PDE4A: variants seen among roughly 807,000 people sequenced by gnomAD.
The protein encoded by PDE4A is phosphodiesterase 4A.
In PDE4A, 21 loss-of-function variants were observed where a neutral mutation model predicts 73.9. That is an observed-to-expected ratio of 0.28 (90% CI 0.20 to 0.41). PDE4A has a LOEUF of 0.41. Among genes scored for constraint, PDE4A ranks in the 10% least tolerant of loss-of-function variants. The pLI is 1.00. For missense variants in PDE4A, 958 were observed against 1,211.4 expected, an observed-to-expected ratio of 0.79 and a Z score of 3.10; for synonymous variants, 463 against 505.4, an observed-to-expected ratio of 0.92 and a Z score of 1.13.
chr19:10,464,032 G>C, intron 14 of PDE4A, 57 bp downstream of exon 14: 1 of 1,604,512 alleles, frequency 6.2e-7, no homozygotes, highest in Non-Finnish European at 8.5e-7. Context: ...AGCCCATCTT[G>C]GCCTGAAGTT....
At chr19:10,451,003 G>A (rs1305280647) in intron 6 of PDE4A, 62 bp downstream of exon 6, 2 of 1,483,194 alleles carry the variant, frequency 1.3e-6, no homozygotes, top group Admixed American at 2.0e-5. Flanking sequence ...AGTGGGTAGA[G>A]CCAACCGCTG....
chr19:10,425,308 C>T (rs1459161754), intron 1 of PDE4A, among the ~76,000 whole-genome samples: 1 of 152,190 alleles, frequency 6.6e-6, no homozygotes, highest in East Asian at 1.9e-4. Context: ...CCCGCTGACT[C>T]GCTGTGTGAC....
intron 7 of PDE4A, 33 bp downstream of exon 7, chr19:10,454,955 G>C (rs369711535): frequency 1.2e-6 from 2 of 1,608,628 alleles, no homozygotes; most frequent in Non-Finnish European, 8.5e-7. Context: ...GATTGGAGGG[G>C]GGACATTTGG....
chr19:10,432,181 G>GC (rs1207096492), intron 1 of PDE4A, among the ~76,000 whole-genome samples: 4 of 138,116 alleles, frequency 2.9e-5, no homozygotes, highest in African/African-American at 1.2e-4. Context: ...GGAGACGGGG[G>GC]GGGGGGGGGG....
At chr19:10,438,999 T>A (rs2042901635) in intron 1 of PDE4A, among the ~76,000 whole-genome samples, 1 of 152,226 alleles carries the variant, frequency 6.6e-6, no homozygotes, top group African/African-American at 2.4e-5. Flanking sequence ...TCCATTCATC[T>A]GTTGATGGAC....
At chr19:10,437,211 C>T (rs750212933) in intron 1 of PDE4A, among the ~76,000 whole-genome samples, 22 of 152,010 alleles carry the variant, frequency 1.4e-4, no homozygotes, top group Non-Finnish European at 2.9e-4. Flanking sequence ...GCAATCTCCA[C>T]CTCCCAGGAT....
rs531163095 is a variant in PDE4A, at chr19:10,461,767, A to T, written c.1620+87A>T. ...AGGAGTGGGTCTGAGTCCCAGAGGA[A>T]CCCTCAACCTGGACAGAGCGGGCGG... On this transcript the variant is annotated intron_variant, in intron 12 of 14. Coordinates refer to ENST00000380702, the MANE Select transcript of PDE4A (RefSeq NM_001111307.2). 513 of 1,585,564 alleles carry T rather than the reference A, an allele frequency of 3.2e-4. 7 individuals carry two copies. The South Asian group carries it at 5.6e-3, about 17-fold the overall frequency.
rs968736126 is a variant in PDE4A at position 10,461,231 on chromosome 19, G to A, written c.1465+128G>A. 2.2e-4 allele frequency: 276 copies of A among 1,264,472 alleles called. 4 individuals are homozygous for A. In the South Asian group the frequency reaches 3.6e-3, roughly 16 times the overall value. The allele number at this position is 1,264,472 out of a possible 1,614,324, so 78.3% of individuals were successfully genotyped here. The stretch of plus-strand genomic sequence containing the variant: ...GGGCGGGGCTGGCTGGCCTGGAAAG[G>A]GGATGGCCGGGCAGGAGGCGGGGCT... On this transcript the variant is annotated intron_variant, in intron 11 of 14. Transcript: ENST00000380702.
chr19:10,464,020 C>T lies in PDE4A; in HGVS notation c.1926+45C>T, dbSNP rs201442970. The T allele has an allele frequency of 2.5e-6, 4 of 1,610,248 alleles. No homozygotes were observed. The South Asian group carries it at 4.4e-5, about 18-fold the overall frequency. On this transcript the variant is annotated intron_variant, in intron 14 of 14. Transcript: ENST00000380702. Reference sequence around the variant, plus strand: ...ATGGACGGGCACAGGGTGAGTCTCCCCAGCCCATCTTGGCCTGAAGTTCTG... The same window carrying T: ...ATGGACGGGCACAGGGTGAGTCTCCTCAGCCCATCTTGGCCTGAAGTTCTG...
rs1282521793 is a variant in PDE4A, at chr19:10,420,730, C to T, written c.-35C>T. 6.7e-7 allele frequency: 1 copy of T among 1,497,954 alleles called. No individual in the cohort carries two copies. Among genetic ancestry groups the T allele is most frequent in the Non-Finnish European group, 8.8e-7 (1 of 1,136,056 alleles). The allele number at this position is 1,497,954 out of a possible 1,614,324, so 92.8% of individuals were successfully genotyped here. ...TGAGCGGGGTGTAGGTTGGAAGGGC[C>T]AGGGCCCCCTGGGGCGCAAGTGGGG... On this transcript the variant is annotated 5_prime_UTR_variant, in exon 1 of 15. Transcript: ENST00000380702. The surrounding 1 kb of genome is among the most constrained non-coding windows in gnomAD (Gnocchi z 6.0).
At chr19:10,452,933 C>G (rs1195018600) in intron 6 of PDE4A, 3 of 1,101,330 alleles carry the variant, frequency 2.7e-6, no homozygotes, top group African/African-American at 1.7e-5. Context: ...CACACACGCA[C>G]ACACACGGGT....
chr19:10,432,016 G>A (rs2042795270), intron 1 of PDE4A, among the ~76,000 whole-genome samples: 2 of 152,146 alleles, frequency 1.3e-5, no homozygotes, highest in South Asian at 2.1e-4. Context: ...CGTTTCCCCG[G>A]GGGCGCACGG....
At chr19:10,432,068 C>T (rs1232306118) in intron 1 of PDE4A, among the ~76,000 whole-genome samples, 1 of 150,926 alleles carries the variant, frequency 6.6e-6, no homozygotes, top group Non-Finnish European at 1.5e-5. Context: ...AGCTCGACGT[C>T]AGGGCGGGGA....
Position 10,467,137 on chromosome 19 carries a change from T to C in PDE4A, c.2177T>C (p.Ile726Thr), listed in dbSNP as rs138890315. 1.2e-6 allele frequency: 2 copies of C among 1,614,124 alleles called. No homozygotes were observed. The highest frequency in any genetic ancestry group is 2.7e-5 in the African/African-American group (2 of 75,036). The stretch of plus-strand genomic sequence containing the variant: ...GAGGAAGAAATATCAATGGCCCAGA[T>C]ACCGTGCACAGCCCAAGAGGCATTG... ...EEEEEISMAQIPCTAQEALTA... is the reference protein window; with the variant it reads ...EEEEEISMAQTPCTAQEALTA... Residue 726 changes from isoleucine (I) to threonine (T), a missense_variant, in exon 15 of 15, where the codon ATA becomes ACA. Around this residue, in one of 3 missense-constraint regions of PDE4A, gnomAD observed 243 missense variants for 245.9 expected, o/e 0.99. Transcript: ENST00000380702.
At chr19:10,459,031 A>T (rs2043215302) in intron 8 of PDE4A, 1 of 210,606 alleles carries the variant, frequency 4.7e-6, no homozygotes. Flanking sequence ...CAGCTTAGCT[A>T]AGAGGCTGAG....
chr19:10,442,862 A>C (rs1246222835), intron 1 of PDE4A, among the ~76,000 whole-genome samples: 1 of 149,484 alleles, frequency 6.7e-6, no homozygotes, highest in East Asian at 1.9e-4. Flanking sequence ...ATATACATGC[A>C]TGTAATATTA....
rs1227693773 is a variant in PDE4A, at chr19:10,459,444, G to A, written c.1146G>A (p.Val382=). ...LNKWGLNIFC[V]SDYAGGRSLT... ...AGTGGGGCCTGAACATCTTTTGCGTGTCGGATTACGCTGGAGGCCGCTCAC... is the reference window on the plus strand; with the variant it reads ...AGTGGGGCCTGAACATCTTTTGCGTATCGGATTACGCTGGAGGCCGCTCAC... The change falls in exon 9 of 15, where the codon GTG becomes GTA. Residue 382 remains valine (V), a synonymous_variant. Transcript: ENST00000380702. The A allele has an allele frequency of 3.1e-6, 5 of 1,614,212 alleles. No homozygotes were observed. The highest frequency in any genetic ancestry group is 1.7e-5 in the Admixed American group (1 of 60,010).
rs532533139 is a variant in PDE4A, at chr19:10,421,170, G to C, written c.320+86G>C. 3.7e-6 allele frequency: 5 copies of C among 1,338,202 alleles called. No homozygotes were observed. The South Asian group carries it at 9.6e-5, about 26-fold the overall frequency. The allele number at this position is 1,338,202 out of a possible 1,614,324, so 82.9% of individuals were successfully genotyped here. A position where few individuals can be genotyped will look rare whatever the true frequency, so the allele number is the denominator to read the frequency against. On this transcript the variant is annotated intron_variant, in intron 1 of 14. Coordinates refer to ENST00000380702, the MANE Select transcript of PDE4A (RefSeq NM_001111307.2). ...GAGCTGCCGGCCGCAGGGGGCGCTA[G>C]GATGCGGGTGGGGTCGGTTTGGCTG...
chr19:10,442,664 A>G (rs193300590), intron 1 of PDE4A, among the ~76,000 whole-genome samples: 225 of 151,852 alleles, frequency 1.5e-3, no homozygotes, highest in Non-Finnish European at 2.6e-3. Context: ...CCTGGGCAAC[A>G]TATTACTATT....
Sources: gnomAD v4.1 joint callset for allele counts (sites outside exome capture counted in the v4.1 genomes callset) on GRCh38, gnomAD v4.1.1 for gene constraint, gnomAD v4.1.1 regional missense constraint, Gnocchi (gnomAD v3.1) non-coding constraint, MANE v1.5 for transcripts, NCBI Gene and HGNC (gene_info 2026-07-23, HGNC 2026-07-21) for gene names.